The following RASEF variants were observed in gnomAD, a reference collection of about 807,000 sequenced individuals.
RASEF encodes the protein RAS and EF-hand domain containing, also known as ras and EF-hand domain-containing protein.
In RASEF, 68 loss-of-function variants were observed where a neutral mutation model predicts 90.1. The ratio of observed to expected loss-of-function variants is 0.75; its 90% CI spans 0.62 to 0.92. The LOEUF is 0.92. Among genes scored for constraint, RASEF ranks in the 40% least tolerant of loss-of-function variants. RASEF has a pLI of 0.00. For missense variants in RASEF, 949 were observed against 937.2 expected (o/e 1.01, Z -0.16); for synonymous variants, 331 against 345.2 (o/e 0.96, Z 0.46).
At chr9:83,155,243 T>C in the RASEF span, among the ~76,000 whole-genome samples, 12 of 152,306 alleles carry the variant, frequency 7.9e-5, no homozygotes, top group East Asian at 2.1e-3. Context: ...ACCTGGATGC[T>C]CTGTGACCCT....
chr9:83,011,837 G>A (rs1187962311), intron 5 of RASEF, among the ~76,000 whole-genome samples: 1 of 152,056 alleles, frequency 6.6e-6, no homozygotes, highest in East Asian at 1.9e-4. Flanking sequence ...ATGAAGCTGG[G>A]AACCTTCTAA....
chr9:83,097,436 CA>C, the RASEF span, among the ~76,000 whole-genome samples: 1 of 152,084 alleles, frequency 6.6e-6, no homozygotes, highest in East Asian at 1.9e-4. Context: ...TTCTGCACAG[CA>C]AAAGAAACTA....
the RASEF span, among the ~76,000 whole-genome samples, chr9:83,111,739 T>C: frequency 4.0e-5 from 6 of 151,780 alleles, no homozygotes; most frequent in Non-Finnish European, 7.4e-5. Flanking sequence ...GTTGAGAAAA[T>C]AACATTGAAA....
intron 1 of RASEF, among the ~76,000 whole-genome samples, chr9:83,039,719 AT>A (rs1462314413): frequency 1.3e-5 from 2 of 151,996 alleles, no homozygotes; most frequent in Non-Finnish European, 2.9e-5. Context: ...CTTCTTCACT[AT>A]TTTTTCCCTT....
At chr9:83,143,294 C>G in the RASEF span, among the ~76,000 whole-genome samples, 540 of 152,218 alleles carry the variant, frequency 3.5e-3, 1 homozygote, top group African/African-American at 0.012. Flanking sequence ...AAACAGACAA[C>G]CTACAGAATG....
intron 6 of RASEF, among the ~76,000 whole-genome samples, chr9:83,008,859 C>T (rs941160053): frequency 1.7e-5 from 2 of 120,316 alleles, no homozygotes; most frequent in Non-Finnish European, 3.4e-5. Context: ...AATCTTTTTG[C>T]TTTTTTTCCC....
In RASEF at chr9:82,999,528, A is replaced by G. The variant is rs139697227; in HGVS notation, c.1723+641T>C. Among the ~76,000 whole-genome samples the G allele has an allele frequency of 5.3e-5, 8 of 152,226 alleles. No individual in the cohort carries two copies. In the East Asian group the frequency reaches 1.5e-3, roughly 29 times the overall value. ...TCTTGTTTTTAGTGGGACTCAGGAA[A>G]TACATGCTGAATAAATGAATCTGAT... On this transcript the variant is annotated intron_variant, in intron 12 of 16. Transcript: ENST00000376447.
chr9:83,205,766 T>C, the RASEF span, among the ~76,000 whole-genome samples: 1 of 152,226 alleles, frequency 6.6e-6, no homozygotes, highest in Non-Finnish European at 1.5e-5. Flanking sequence ...TCTCAGAAGA[T>C]TGCCAATGTT....
intron 6 of RASEF, 85 bp downstream of exon 6, chr9:83,009,556 C>A: frequency 2.9e-6 from 2 of 699,482 alleles, no homozygotes; most frequent in Non-Finnish European, 2.4e-6. Flanking sequence ...ACTAACTCTT[C>A]ATTATTCCAT....
At chr9:83,133,083 C>T in the RASEF span, among the ~76,000 whole-genome samples, 1 of 152,156 alleles carries the variant, frequency 6.6e-6, no homozygotes, top group South Asian at 2.1e-4. Context: ...TCCTCTGGCT[C>T]TTCTGACTAT....
At chr9:83,026,299 C>T (rs1829547333) in intron 1 of RASEF, among the ~76,000 whole-genome samples, 2 of 152,138 alleles carry the variant, frequency 1.3e-5, no homozygotes, top group Admixed American at 6.5e-5. Context: ...CAGCCTTTAT[C>T]GTCATAACAG....
At chr9:83,014,611 C>A (rs568582780) in intron 4 of RASEF, among the ~76,000 whole-genome samples, 1 of 152,262 alleles carries the variant, frequency 6.6e-6, no homozygotes, top group South Asian at 2.1e-4. Context: ...AGCCACCATG[C>A]CCAGCAAGGA....
chr9:82,986,157 G>A (rs1306507597), intron 16 of RASEF, among the ~76,000 whole-genome samples: 1 of 152,226 alleles, frequency 6.6e-6, no homozygotes, highest in Non-Finnish European at 1.5e-5. Context: ...CAGCAAGCCA[G>A]TGATCCAGGT....
At chr9:83,091,260 T>C in the RASEF span, among the ~76,000 whole-genome samples, 1 of 152,146 alleles carries the variant, frequency 6.6e-6, no homozygotes, top group African/African-American at 2.4e-5. Flanking sequence ...TTTAAAGTCC[T>C]TATGGACATC....
intron 1 of RASEF, among the ~76,000 whole-genome samples, chr9:83,045,998 A>ACCT (rs987379409): frequency 7.2e-6 from 1 of 139,014 alleles, no homozygotes; most frequent in Non-Finnish European, 1.5e-5. Context: ...ACAACCCTAC[A>ACCT]CCTCCATTAA....
chr9:83,207,598 CTTTTTTTTTTT>C, the RASEF span, among the ~76,000 whole-genome samples: 2 of 85,456 alleles, frequency 2.3e-5, no homozygotes. Flanking sequence ...AGGAGGGCTG[CTTTTTTTTTTT>C]TTTTTTTTTT....
the RASEF span, among the ~76,000 whole-genome samples, chr9:83,179,238 C>T: frequency 1.3e-5 from 2 of 151,990 alleles, no homozygotes; most frequent in East Asian, 3.9e-4. Flanking sequence ...ATCTGTATAC[C>T]ACTAAAAGCT....
intron 16 of RASEF, 27 bp downstream of exon 16, chr9:82,990,364 T>C: frequency 1.3e-6 from 2 of 1,546,968 alleles, no homozygotes; most frequent in Non-Finnish European, 1.8e-6. Context: ...GAAAATTCAA[T>C]CCTACATCCA....
At chr9:83,053,885 T>C (rs1453375279) in intron 1 of RASEF, among the ~76,000 whole-genome samples, 2 of 65,708 alleles carry the variant, frequency 3.0e-5, no homozygotes, top group Admixed American at 3.5e-4. Flanking sequence ...CACTCTCTTC[T>C]GGCTTGTAGG....
Sources: gnomAD v4.1 joint callset for allele counts (sites outside exome capture counted in the v4.1 genomes callset) on GRCh38, gnomAD v4.1.1 for gene constraint, MANE v1.5 for transcripts, NCBI Gene and HGNC (gene_info 2026-07-23, HGNC 2026-07-21) for gene names.